Variants in MED24 observed in about 807,000 individuals in gnomAD.
MED24 encodes the protein mediator of RNA polymerase II transcription subunit 24.
A neutral mutation model predicts 118.8 loss-of-function variants in MED24; 74 were observed. The observed-to-expected ratio is 0.62, with a 90% CI of 0.52 to 0.76. The LOEUF is 0.76. Ranked by LOEUF, MED24 falls within the 30% of genes least tolerant of loss-of-function variation. The pLI is 0.00. For synonymous variants in MED24, 521 were observed against 523.9 expected, an observed-to-expected ratio of 0.99 and a Z score of 0.08; for missense variants, 1,041 against 1,278.9, an observed-to-expected ratio of 0.81 and a Z score of 2.84.
At chr17:40,047,617 G>A (rs1438176848) in intron 3 of MED24, among the ~76,000 whole-genome samples, 1 of 150,562 alleles carries the variant, frequency 6.6e-6, no homozygotes, top group Non-Finnish European at 1.5e-5. Flanking sequence ...AGCTGAGATT[G>A]CCCTACTGCA....
chr17:40,048,945 C>T (rs552786495), intron 3 of MED24, among the ~76,000 whole-genome samples: 1 of 151,998 alleles, frequency 6.6e-6, no homozygotes, highest in African/African-American at 2.4e-5. Context: ...AAACATGTAC[C>T]CAAGGTGGTC....
chr17:40,030,277 C>T (rs1360182933), intron 12 of MED24, among the ~76,000 whole-genome samples: 1 of 150,456 alleles, frequency 6.6e-6, no homozygotes, highest in African/African-American at 2.4e-5. Context: ...GGTGAGCCAG[C>T]ACACCTGGCA....
At chr17:40,026,524 A>G (rs868280099) in intron 18 of MED24, 123 bp downstream of exon 18, 7 of 1,149,706 alleles carry the variant, frequency 6.1e-6, no homozygotes, top group Middle Eastern at 5.0e-4. Flanking sequence ...ATTACACAAA[A>G]TATCAATATC....
intron 11 of MED24, 56 bp downstream of exon 11, chr17:40,031,482 G>C: frequency 6.6e-7 from 1 of 1,518,464 alleles, no homozygotes; most frequent in Non-Finnish European, 9.1e-7. Flanking sequence ...ACAGAGATCA[G>C]GGGAAGAGCC....
At chr17:40,035,640 G>A (rs957784506) in intron 5 of MED24, 82 bp downstream of exon 5, 96 of 1,473,212 alleles carry the variant, frequency 6.5e-5, no homozygotes, top group Non-Finnish European at 8.4e-5. Flanking sequence ...AGTTGGTCTC[G>A]GTCTGTGTGC....
chr17:40,020,250 G>T, intron 24 of MED24, 23 bp downstream of exon 24: 1 of 1,494,714 alleles, frequency 6.7e-7, no homozygotes, highest in East Asian at 2.4e-5. Context: ...CCCCAGGTTC[G>T]GCAGCAGGGG....
rs914243893 is a variant in MED24 at position 40,054,078 on chromosome 17, A to G, written c.-38+283T>C. 4.0e-5 allele frequency: 9 copies of G among 227,580 alleles called. No homozygotes were observed. The East Asian group carries it at 9.2e-4, about 23-fold the overall frequency. 14.1% of individuals were successfully genotyped at this position (227,580 alleles called of 1,614,324 possible). On this transcript the variant is annotated intron_variant, in intron 1 of 25. Transcript: ENST00000394128. ...CCGGGAGGCGGAGGTTGTTGGGGTG[A>G]GCCGAGATCGCACCATTGCACTCCA...
At chr17:40,044,556 T>G (rs1257076465) in intron 3 of MED24, among the ~76,000 whole-genome samples, 1 of 149,132 alleles carries the variant, frequency 6.7e-6, no homozygotes, top group Admixed American at 6.7e-5. Flanking sequence ...CACATTATAA[T>G]ATGATATAAT....
In MED24 at chr17:40,023,271, T is replaced by TG. The variant is rs746303506; in HGVS notation, c.2109dup (p.Lys704GlnfsTer30). On this transcript the variant is annotated frameshift_variant, in exon 20 of 26. Coordinates refer to ENST00000394128, the MANE Select transcript of MED24 (RefSeq NM_014815.4). LOFTEE classifies it high-confidence loss of function. Reference sequence around the variant, plus strand: ...GTCAGCACCTCTTTGATGGGCCGCTTGGGGGGCAGCAGGTTCCAGTAGGGC... The same window carrying TG: ...GTCAGCACCTCTTTGATGGGCCGCTTGGGGGGGCAGCAGGTTCCAGTAGGGC... The TG allele has an allele frequency of 6.2e-7, 1 of 1,614,050 alleles. No individual in the cohort carries two copies. The highest frequency in any genetic ancestry group is 8.5e-7 in the Non-Finnish European group (1 of 1,179,992).
At chr17:40,020,034 G>T in intron 24 of MED24, 101 bp from the exon 25 acceptor site, 1 of 1,407,428 alleles carries the variant, frequency 7.1e-7, no homozygotes, top group Non-Finnish European at 9.8e-7. Flanking sequence ...AGAAACACAT[G>T]CTGAGCATGT....
intron 3 of MED24, among the ~76,000 whole-genome samples, chr17:40,038,987 TTTTG>T (rs1442399573): frequency 6.6e-6 from 1 of 152,194 alleles, no homozygotes; most frequent in East Asian, 1.9e-4. Context: ...CCGGCGAGCG[TTTTG>T]TTTATTTATA....
rs998024677 is a variant in MED24, at chr17:40,039,682, T to C, written c.214-3528A>G. On this transcript the variant is annotated intron_variant, in intron 3 of 25. Coordinates refer to ENST00000394128, the MANE Select transcript of MED24 (RefSeq NM_014815.4). ...TTGTTTGAGACAGGGTCTCGCTCTG[T>C]CACCCAGGCTGGAGTGCAGTGGTGC... Among the ~76,000 whole-genome samples the C allele has an allele frequency of 3.9e-5, 6 of 152,136 alleles. No homozygotes were observed. The East Asian group carries it at 1.2e-3, about 29-fold the overall frequency.
At chr17:40,035,411 A>G in intron 5 of MED24, 62 bp from the exon 6 acceptor site, 1 of 1,478,760 alleles carries the variant, frequency 6.8e-7, no homozygotes, top group Non-Finnish European at 9.1e-7. Context: ...GACCCACATC[A>G]ATGTTCCCCA....
Position 40,022,048 on chromosome 17 carries a change from T to G in MED24, c.2530A>C (p.Ile844Leu). The change falls in exon 23 of 26, where the codon ATC becomes CTC. Residue 844 changes from isoleucine (I) to leucine (L), a missense_variant. By Grantham distance (5) the Ile-to-Leu change is conservative. Coordinates refer to ENST00000394128, the MANE Select transcript of MED24 (RefSeq NM_014815.4). ...KRHREDIEDY[I>L]SLFPLDDVQP... is the part of the protein sequence containing the mutation. ...ACATCGTCCAGGGGGAAGAGGCTGA[T>G]ATAATCCTAGAGGGAGTGAAAGTCA... is the stretch of plus-strand genomic sequence containing the variant. 6.2e-7 allele frequency: 1 copy of G among 1,606,538 alleles called. No homozygotes were observed. The highest frequency in any genetic ancestry group is 8.5e-7 in the Non-Finnish European group (1 of 1,175,926).
At chr17:40,030,665 TA>T (rs199873165) in intron 12 of MED24, among the ~76,000 whole-genome samples, 2 of 58,836 alleles carry the variant, frequency 3.4e-5, no homozygotes, top group African/African-American at 4.4e-5. Flanking sequence ...TTTATTTATT[TA>T]TTTTTTTTTT....
rs774107293 is a variant in MED24 at position 40,029,711 on chromosome 17, A to G, written c.1266+37T>C. On this transcript the variant is annotated intron_variant, in intron 13 of 25. Transcript: ENST00000394128. ...GCAGATGGAGCACTGGAAAGAAGAA[A>G]GAGAAGACTGTGGTGGCCAGGGAAG... The G allele has an allele frequency of 7.0e-6, 11 of 1,577,250 alleles. No individual in the cohort carries two copies. The South Asian group carries it at 1.2e-4, about 17-fold the overall frequency.
chr17:40,041,496 A>G (rs1984556618), intron 3 of MED24, among the ~76,000 whole-genome samples: 1 of 152,164 alleles, frequency 6.6e-6, no homozygotes, highest in Non-Finnish European at 1.5e-5. Context: ...TCTAAACCAA[A>G]AGCTCCAGTC....
intron 3 of MED24, among the ~76,000 whole-genome samples, chr17:40,044,700 T>G (rs770809075): frequency 4.0e-5 from 6 of 151,368 alleles, no homozygotes; most frequent in Non-Finnish European, 5.9e-5. Context: ...GCTAACAAGA[T>G]GAAACGCATC....
rs376989467 is a variant in MED24 at position 40,019,653 on chromosome 17, G to A, written c.2854-8C>T. On this transcript the variant is annotated splice_region_variant and splice_polypyrimidine_tract_variant and intron_variant, in intron 25 of 25. Coordinates refer to ENST00000394128, the MANE Select transcript of MED24 (RefSeq NM_014815.4). ...CTTCACCAGTTCCGACACCTGCCAC[G>A]GACAGACAGATGCTGCTTGCGGGAC... The A allele has an allele frequency of 2.4e-5, 38 of 1,588,048 alleles. No individual in the cohort carries two copies. In the African/African-American group the frequency reaches 2.8e-4, roughly 12 times the overall value.
Sources: allele counts gnomAD v4.1 joint callset (sites outside exome capture counted in the v4.1 genomes callset), GRCh38; gene constraint gnomAD v4.1.1; transcripts MANE v1.5; gene names NCBI Gene and HGNC (gene_info 2026-07-23, HGNC 2026-07-21).